Variants in CDH12 observed in about 807,000 individuals in gnomAD.
CDH12 encodes cadherin 12.
In CDH12, 41 loss-of-function variants were observed where a neutral mutation model predicts 74.1. The observed-to-expected ratio is 0.55, with a 90% CI of 0.43 to 0.72. The LOEUF (loss-of-function observed/expected upper bound fraction) is 0.72. Among genes scored for constraint, CDH12 ranks in the 30% least tolerant of loss-of-function variants. The pLI, the probability that CDH12 is intolerant of heterozygous loss-of-function variation, is 0.00. For missense variants in CDH12, 945 were observed against 977.2 expected (o/e 0.97, Z 0.44); for synonymous variants, 399 against 355.0 (o/e 1.12, Z -1.39).
chr5:22,673,771 T>C (rs1741023595), intron 1 of CDH12, among the ~76,000 whole-genome samples: 1 of 152,172 alleles, frequency 6.6e-6, no homozygotes, highest in Admixed American at 6.6e-5. Context: ...ATAAAGATAA[T>C]TTTAAAGATT....
rs569814163 is a variant in CDH12, at chr5:22,512,563, T to C, written c.-522-7199A>G. On this transcript the variant is annotated intron_variant, in intron 1 of 14. Transcript: ENST00000382254. ...AACCTAAGAAAACCCAAGACTAATA[T>C]CAGCTGAGGACATGTGGTTATCAAT... Among the ~76,000 whole-genome samples the C allele has an allele frequency of 7.9e-5, 12 of 152,212 alleles. No homozygotes were observed. The East Asian group carries it at 2.3e-3, about 29-fold the overall frequency.
intron 4 of CDH12, among the ~76,000 whole-genome samples, chr5:22,152,595 T>C (rs913422940): frequency 7.9e-4 from 121 of 152,328 alleles, no homozygotes; most frequent in African/African-American, 2.8e-3. Context: ...CTAATTAACA[T>C]AGGTATTGGC....
chr5:22,656,837 T>C (rs1740062050), intron 1 of CDH12, among the ~76,000 whole-genome samples: 2 of 152,282 alleles, frequency 1.3e-5, no homozygotes, highest in Admixed American at 6.5e-5. Context: ...TGTGTGTGTG[T>C]TGGAGAGAGA....
chr5:22,560,468 T>C (rs1055938001), intron 1 of CDH12, among the ~76,000 whole-genome samples: 1 of 152,106 alleles, frequency 6.6e-6, no homozygotes, highest in African/African-American at 2.4e-5. Context: ...GTTTTCTTTA[T>C]TTATATAGAC....
intron 2 of CDH12, among the ~76,000 whole-genome samples, chr5:22,493,451 A>C (rs761910078): frequency 2.6e-4 from 39 of 152,208 alleles, no homozygotes; most frequent in Non-Finnish European, 4.6e-4. Flanking sequence ...CGTTAGAAAA[A>C]TGAATATAAT....
At chr5:22,371,923 T>C (rs34810866) in intron 3 of CDH12, among the ~76,000 whole-genome samples, 51,622 of 152,040 alleles carry the variant, frequency 0.34, 10,254 homozygotes, top group Admixed American at 0.46. Flanking sequence ...TTCTCAAAGG[T>C]TTGGAAAACC....
At chr5:22,570,746 TA>T (rs1326143724) in intron 1 of CDH12, among the ~76,000 whole-genome samples, 1 of 152,226 alleles carries the variant, frequency 6.6e-6, no homozygotes, top group Non-Finnish European at 1.5e-5. Flanking sequence ...TAGCCCCTAA[TA>T]AAAGTCAGTC....
chr5:22,220,050 T>C (rs1284643072), intron 3 of CDH12, among the ~76,000 whole-genome samples: 1 of 151,788 alleles, frequency 6.6e-6, no homozygotes, highest in African/African-American at 2.4e-5. Context: ...ATTGTCTACA[T>C]CATGAATCCG....
intron 5 of CDH12, among the ~76,000 whole-genome samples, chr5:22,046,896 T>C (rs1739994041): frequency 1.3e-5 from 2 of 152,138 alleles, no homozygotes; most frequent in African/African-American, 4.8e-5. Context: ...GTGCTATAAA[T>C]CCACTTGGTT....
intron 4 of CDH12, among the ~76,000 whole-genome samples, chr5:22,089,036 G>A (rs1278923866): frequency 6.6e-6 from 1 of 152,144 alleles, no homozygotes; most frequent in Non-Finnish European, 1.5e-5. Flanking sequence ...AAATCTAACT[G>A]GCTACGGGGG....
intron 1 of CDH12, among the ~76,000 whole-genome samples, chr5:22,681,097 A>C (rs2126928577): frequency 6.6e-6 from 1 of 152,228 alleles, no homozygotes; most frequent in Middle Eastern, 3.4e-3. Flanking sequence ...CCTCATGGTT[A>C]AAACCCTTGA....
intron 1 of CDH12, among the ~76,000 whole-genome samples, chr5:22,638,242 T>G (rs1053241043): frequency 6.6e-6 from 1 of 152,092 alleles, no homozygotes; most frequent in Admixed American, 6.5e-5. Flanking sequence ...AATAGGCCAG[T>G]CTGCAAACTG....
chr5:22,028,810 C>A (rs536191246), intron 5 of CDH12, among the ~76,000 whole-genome samples: 80 of 152,290 alleles, frequency 5.3e-4, no homozygotes, highest in Admixed American at 2.3e-3. Context: ...TCAAGACAAA[C>A]CTAAGCCAAA....
rs1352261916 is a variant in CDH12 at position 22,204,403 on chromosome 5, C to T, written c.-187+8095G>A. Among the ~76,000 whole-genome samples the T allele has an allele frequency of 4.6e-5, 7 of 152,246 alleles. No homozygotes were observed. In the South Asian group the frequency reaches 1.0e-3, roughly 23 times the overall value. On this transcript the variant is annotated intron_variant, in intron 4 of 14. Coordinates refer to ENST00000382254, the MANE Select transcript of CDH12 (RefSeq NM_004061.5). ...GTCTTGATCTCCTGACCTCATGATC[C>T]GCCCGCCTCGGCCTCCCGAAGTGCT...
intron 5 of CDH12, among the ~76,000 whole-genome samples, chr5:22,017,299 C>T (rs889753622): frequency 7.9e-5 from 12 of 152,014 alleles, no homozygotes; most frequent in South Asian, 4.1e-4. Flanking sequence ...TGACCCTGAA[C>T]ATAAGACTTC....
intron 2 of CDH12, among the ~76,000 whole-genome samples, chr5:22,423,436 A>G (rs932749799): frequency 6.6e-6 from 1 of 152,110 alleles, no homozygotes; most frequent in African/African-American, 2.4e-5. Context: ...AATCCTGGCA[A>G]TATTTCCCCT....
chr5:22,214,215 G>A (rs569434029), intron 3 of CDH12, among the ~76,000 whole-genome samples: 271 of 152,164 alleles, frequency 1.8e-3, no homozygotes, highest in Non-Finnish European at 2.1e-3. Context: ...CTCTGAAAAC[G>A]GAGACGGCCC....
rs574610009 is a variant in CDH12, at chr5:22,235,004, A to G, written c.-332-22361T>C. ...ACAGTTAGTTCATGGTGTGTGAGTG[A>G]GGCACATCCAAAATAGCTTACAAGC... On this transcript the variant is annotated intron_variant, in intron 3 of 14. Coordinates refer to ENST00000382254, the MANE Select transcript of CDH12 (RefSeq NM_004061.5). Among the ~76,000 whole-genome samples, 237 of 152,240 alleles carry G rather than the reference A, an allele frequency of 1.6e-3. 4 individuals are homozygous for G. Among genetic ancestry groups the G allele is most frequent in the African/African-American group, 5.6e-3 (232 of 41,550 alleles).
intron 1 of CDH12, among the ~76,000 whole-genome samples, chr5:22,679,858 T>C (rs569074858): frequency 2.6e-5 from 4 of 152,232 alleles, no homozygotes; most frequent in East Asian, 1.9e-4. Context: ...AGAGACTCTT[T>C]CTGTTAAACT....
Sources: gnomAD v4.1 joint callset for allele counts (sites outside exome capture counted in the v4.1 genomes callset) on GRCh38, gnomAD v4.1.1 for gene constraint, MANE v1.5 for transcripts, NCBI Gene and HGNC (gene_info 2026-07-23, HGNC 2026-07-21) for gene names.